The following PDE4DIP variants were observed in gnomAD, a reference collection of about 807,000 sequenced individuals.
PDE4DIP encodes the protein myomegalin.
Under a neutral mutation model 221.4 loss-of-function variants are expected in PDE4DIP, and 59 were observed. That is an observed-to-expected ratio of 0.27 (90% CI 0.22 to 0.33). The LOEUF (loss-of-function observed/expected upper bound fraction) is 0.33, where lower values mean the gene tolerates loss of function less well. PDE4DIP is among the 10% of genes least tolerant of loss of function. PDE4DIP has a pLI of 1.00. For synonymous variants in PDE4DIP, 404 were observed against 815.9 expected (o/e 0.50, Z 8.60); for missense variants, 1,036 against 2,154.2 (o/e 0.48, Z 10.28).
At chr1:149,010,582 C>G (rs587631183) in exon 31 of PDE4DIP, 1 of 1,614,092 alleles carries the variant, frequency 6.2e-7, no homozygotes, top group Admixed American at 1.7e-5. Context: ...AGGAGGCCAA[C>G]CAGGCCCATT....
chr1:148,960,078 G>C (rs1380244886), intron 5 of PDE4DIP, among the ~76,000 whole-genome samples: 6 of 152,282 alleles, frequency 3.9e-5, no homozygotes. Context: ...AAATACTTAA[G>C]CATTATTTCT....
At chr1:149,015,616 T>G in intron 32 of PDE4DIP, among the ~76,000 whole-genome samples, 1 of 152,072 alleles carries the variant, frequency 6.6e-6, no homozygotes, top group South Asian at 2.1e-4. Flanking sequence ...GCCTATTAAA[T>G]GAAAGGTCCT....
Position 149,020,055 on chromosome 1 carries a change from G to A in PDE4DIP, c.5771-92G>A. 5.3e-6 allele frequency: 3 copies of A among 571,100 alleles called. No homozygotes were observed. In the East Asian group the frequency reaches 8.8e-5, roughly 17 times the overall value. The allele number at this position is 571,100 out of a possible 1,614,324, so 35.4% of individuals were successfully genotyped here. A position where few individuals can be genotyped will look rare whatever the true frequency, so the allele number is the denominator to read the frequency against. Reference sequence around the variant, plus strand: ...TAGGGCCTTCCTTCCCTGCTCCTTAGCTCTGTCTGTCAGGGTGGATGTGCT... The same window carrying A: ...TAGGGCCTTCCTTCCCTGCTCCTTAACTCTGTCTGTCAGGGTGGATGTGCT... On this transcript the variant is annotated intron_variant, in intron 35 of 43. Transcript: ENST00000369354.
At chr1:148,948,191 A>G (rs1377599278) in intron 5 of PDE4DIP, among the ~76,000 whole-genome samples, 1 of 150,376 alleles carries the variant, frequency 6.6e-6, no homozygotes, top group Non-Finnish European at 1.5e-5. Flanking sequence ...GATATATAAA[A>G]TTAATAATTT....
chr1:149,015,320 G>A (rs1356407286), intron 32 of PDE4DIP, among the ~76,000 whole-genome samples: 6 of 151,702 alleles, frequency 4.0e-5, no homozygotes, highest in Non-Finnish European at 8.8e-5. Context: ...CTACAAGTAG[G>A]GCTAAAAACT....
chr1:148,978,734 C>T (rs776847975), intron 19 of PDE4DIP, among the ~76,000 whole-genome samples: 4 of 152,028 alleles, frequency 2.6e-5, no homozygotes, highest in Non-Finnish European at 5.9e-5. Context: ...AGGTGCACAC[C>T]ACCACGCCCG....
rs1265751698 is a variant in PDE4DIP, at chr1:148,927,233, T to C, written c.142-1964T>C. Among the ~76,000 whole-genome samples the C allele has an allele frequency of 2.0e-5, 3 of 152,026 alleles. No homozygotes were observed. The East Asian group carries it at 5.8e-4, about 29-fold the overall frequency. ...CCTGAAAAGACAGGGCTATCATTCCTTCTTTTGAAGAAATTAGGATATTTT... is the reference window on the plus strand; with the variant it reads ...CCTGAAAAGACAGGGCTATCATTCCCTCTTTTGAAGAAATTAGGATATTTT... On this transcript the variant is annotated intron_variant, in intron 1 of 43. Transcript: ENST00000369354.
intron 31 of PDE4DIP, 100 bp downstream of exon 34, chr1:149,010,695 A>C: frequency 9.7e-7 from 1 of 1,029,380 alleles, no homozygotes; most frequent in Non-Finnish European, 1.5e-6. Flanking sequence ...AGGGGCCTAA[A>C]TGCATCAAAA....
chr1:148,866,696 AAG>A, intron 2 of PDE4DIP, among the ~76,000 whole-genome samples: 1 of 55,816 alleles, frequency 1.8e-5, no homozygotes, highest in African/African-American at 1.6e-4. Flanking sequence ...AGAAAAAATA[AAG>A]AAAGAGAAAG....
intron 9 of PDE4DIP, among the ~76,000 whole-genome samples, chr1:148,963,340 G>T (rs1449783896): frequency 6.6e-6 from 1 of 152,214 alleles, no homozygotes; most frequent in African/African-American, 2.4e-5. Context: ...TGTATCCCCT[G>T]TGGGTAAGGG....
At chr1:148,990,341 G>A (rs1331077028) in intron 21 of PDE4DIP, 7 of 985,210 alleles carry the variant, frequency 7.1e-6, no homozygotes, top group East Asian at 1.1e-4. Flanking sequence ...TGGCAGTGTC[G>A]AGATGAGATG....
intron 16 of PDE4DIP, among the ~76,000 whole-genome samples, chr1:148,972,976 A>G (rs1373853618): frequency 9.2e-5 from 12 of 129,736 alleles, no homozygotes; most frequent in Non-Finnish European, 1.9e-4. Context: ...TTATATATAT[A>G]TATAATGTTA....
intron 1 of PDE4DIP, among the ~76,000 whole-genome samples, chr1:148,817,020 G>T (rs1667955946): frequency 9.5e-6 from 1 of 104,738 alleles, no homozygotes; most frequent in Non-Finnish European, 2.2e-5. Context: ...TTTTTTTTCT[G>T]AGATGGAGTT....
Position 148,979,726 on chromosome 1 carries a change from T to G in PDE4DIP, c.2575-11T>G. 1.2e-6 allele frequency: 2 copies of G among 1,611,836 alleles called. No individual in the cohort carries two copies. Among genetic ancestry groups the G allele is most frequent in the South Asian group, 1.1e-5 (1 of 91,012 alleles). On this transcript the variant is annotated splice_polypyrimidine_tract_variant and intron_variant, in intron 19 of 43. Transcript: ENST00000369354. ...CATTTGCGTATTGCTTCCTCTCTCT[T>G]CTTTACTCAGTTGCTGCTGATGCTA...
intron 4 of PDE4DIP, chr1:148,932,820 C>G (rs1176314228): frequency 1.8e-5 from 5 of 281,174 alleles, no homozygotes; most frequent in African/African-American, 9.0e-5. Flanking sequence ...ACTTCTGCCT[C>G]CAGAAGTAGT....
intron 1 of PDE4DIP, among the ~76,000 whole-genome samples, chr1:148,857,475 TCTC>T (rs1681880895): frequency 4.4e-5 from 1 of 22,708 alleles, no homozygotes; most frequent in Non-Finnish European, 6.7e-5. Flanking sequence ...TTCACGCCAT[TCTC>T]CTGCCTCAGC....
chr1:148,949,601 G>A (rs781936028), intron 5 of PDE4DIP, among the ~76,000 whole-genome samples: 68 of 152,270 alleles, frequency 4.5e-4, no homozygotes, highest in Middle Eastern at 3.4e-3. Flanking sequence ...CAGTTCAACT[G>A]CAAACTCTTG....
In PDE4DIP at chr1:148,937,820, C is replaced by T. The variant is rs782539883; in HGVS notation, c.592C>T (p.Gln198Ter). The change falls in exon 5 of 44, where the codon CAA becomes TAA. Residue 198 changes from glutamine (Q) to a stop codon, truncating the protein, a stop_gained. Coordinates refer to ENST00000369354, the Ensembl canonical transcript of PDE4DIP. LOFTEE classifies it high-confidence loss of function. ...AGAACAGCTATCTCGGGAGAAACAA[C>T]AACTGCTACATCTGTTGGAGGAGCC... The T allele has an allele frequency of 9.3e-7, 1 of 1,075,288 alleles. No individual in the cohort carries two copies. The highest frequency in any genetic ancestry group is 1.4e-6 in the Non-Finnish European group (1 of 693,762). 66.6% of individuals were successfully genotyped at this position (1,075,288 alleles called of 1,614,324 possible).
intron 1 of PDE4DIP, among the ~76,000 whole-genome samples, chr1:148,892,251 T>A (rs1366320595): frequency 8.3e-6 from 1 of 121,028 alleles, no homozygotes; most frequent in Non-Finnish European, 1.6e-5. Flanking sequence ...CGCCTCAGCC[T>A]CCCAAAGTAC....
Sources: gnomAD v4.1 joint callset for allele counts (sites outside exome capture counted in the v4.1 genomes callset) on GRCh38, gnomAD v4.1.1 for gene constraint, MANE v1.5 for transcripts, NCBI Gene and HGNC (gene_info 2026-07-23, HGNC 2026-07-21) for gene names.